The following GPC5 variants were observed in gnomAD, a reference collection of about 807,000 sequenced individuals.
The protein encoded by GPC5 is glypican 5.
Under a neutral mutation model 53.9 loss-of-function variants are expected in GPC5, and 47 were observed. The observed-to-expected ratio is 0.87, with a 90% confidence interval of 0.69 to 1.11. GPC5 has a LOEUF of 1.11. GPC5 is among the 50% of genes most tolerant of loss of function. The pLI is 0.00. For missense variants in GPC5, 748 were observed against 713.1 expected (o/e 1.05, Z -0.56); for synonymous variants, 286 against 263.3 (o/e 1.09, Z -0.84).
intron 6 of GPC5, among the ~76,000 whole-genome samples, chr13:92,003,378 A>G (rs2040574828): frequency 1.3e-5 from 2 of 151,666 alleles, no homozygotes; most frequent in African/African-American, 2.4e-5. Context: ...AAATTACTCT[A>G]TCTGATATTG....
rs149027458 is a variant in GPC5, at chr13:92,243,356, A to G, written c.1561+98367A>G. On this transcript the variant is annotated intron_variant, in intron 7 of 7. Coordinates refer to ENST00000377067, the MANE Select transcript of GPC5 (RefSeq NM_004466.6). ...AAATCTCCCCACTGCAGTATAAGTAATTTGTAGAAAATTTTCTGTTTTCAA... is the reference window on the plus strand; with the variant it reads ...AAATCTCCCCACTGCAGTATAAGTAGTTTGTAGAAAATTTTCTGTTTTCAA... 4.3e-4 allele frequency among the ~76,000 whole-genome samples: 66 copies of G among 152,236 alleles called. No homozygotes were observed. In the East Asian group the frequency reaches 8.9e-3, roughly 21 times the overall value.
At chr13:91,451,623 T>G in intron 2 of GPC5, among the ~76,000 whole-genome samples, 1 of 151,300 alleles carries the variant, frequency 6.6e-6, no homozygotes, top group South Asian at 2.1e-4. Context: ...TTTGTTTGTT[T>G]TTTTTTTTCC....
chr13:92,285,330 G>C (rs1436810233), intron 7 of GPC5, among the ~76,000 whole-genome samples: 2 of 152,152 alleles, frequency 1.3e-5, no homozygotes, highest in African/African-American at 2.4e-5. Flanking sequence ...GTAATTTATA[G>C]ATTCAATGCC....
At chr13:92,569,702 A>C (rs1319496917) in intron 7 of GPC5, among the ~76,000 whole-genome samples, 2 of 152,192 alleles carry the variant, frequency 1.3e-5, no homozygotes. Context: ...AGTCTAGTGC[A>C]CCAGGATTAT....
intron 7 of GPC5, among the ~76,000 whole-genome samples, chr13:92,626,334 C>G (rs186740981): frequency 6.6e-6 from 1 of 151,950 alleles, no homozygotes; most frequent in Non-Finnish European, 1.5e-5. Context: ...GAGACTCATG[C>G]GGTGGGGAGG....
chr13:92,564,573 G>A (rs2139033576), intron 7 of GPC5, among the ~76,000 whole-genome samples: 1 of 151,894 alleles, frequency 6.6e-6, no homozygotes, highest in East Asian at 1.9e-4. Flanking sequence ...TTTTTTACGT[G>A]GGTATATTGT....
At chr13:91,845,668 T>C (rs1412632017) in intron 5 of GPC5, among the ~76,000 whole-genome samples, 2 of 152,170 alleles carry the variant, frequency 1.3e-5, no homozygotes, top group South Asian at 2.1e-4. Context: ...CAAGAGTTTG[T>C]GGAGAAAAGA....
chr13:92,701,322 G>C (rs1887731856), intron 7 of GPC5: 1 of 151,982 alleles, frequency 6.6e-6, no homozygotes, highest in African/African-American at 2.4e-5. Flanking sequence ...TCTTTCACCA[G>C]ACCAACATTA....
chr13:91,530,085 T>C (rs1886267821), intron 2 of GPC5, among the ~76,000 whole-genome samples: 1 of 152,154 alleles, frequency 6.6e-6, no homozygotes, highest in African/African-American at 2.4e-5. Context: ...TACAAGAAAA[T>C]GTCTTGGGAA....
intron 3 of GPC5, among the ~76,000 whole-genome samples, chr13:91,695,120 G>C (rs2035852176): frequency 6.6e-6 from 1 of 152,084 alleles, no homozygotes; most frequent in African/African-American, 2.4e-5. Flanking sequence ...GGTAATGTGT[G>C]GGCTGAAATT....
chr13:91,715,588 A>C (rs1429147076), intron 3 of GPC5, among the ~76,000 whole-genome samples: 1 of 152,192 alleles, frequency 6.6e-6, no homozygotes, highest in African/African-American at 2.4e-5. Flanking sequence ...CTCTGTCAGC[A>C]TCCACCATTT....
intron 7 of GPC5, among the ~76,000 whole-genome samples, chr13:92,470,503 C>T (rs74462622): frequency 0.02 from 3,013 of 151,788 alleles, 98 homozygotes; most frequent in African/African-American, 0.068. Flanking sequence ...TTAGATAGCC[C>T]TAAAACATCC....
intron 5 of GPC5, among the ~76,000 whole-genome samples, chr13:91,904,279 ATCCCCCT>A (rs2039531193): frequency 6.7e-6 from 1 of 149,676 alleles, no homozygotes; most frequent in East Asian, 2.0e-4. Flanking sequence ...GGCTCCCATG[ATCCCCCT>A]GCCTCTGTTT....
chr13:91,996,270 AT>A (rs1768128438), intron 6 of GPC5: 1 of 152,252 alleles, frequency 6.6e-6, no homozygotes, highest in African/African-American at 2.4e-5. Flanking sequence ...TAGATCAGTT[AT>A]CTCCACTAGG....
chr13:92,100,004 T>C (rs2041452690), intron 6 of GPC5, among the ~76,000 whole-genome samples: 1 of 152,126 alleles, frequency 6.6e-6, no homozygotes, highest in African/African-American at 2.4e-5. Context: ...TGTCGTGAAA[T>C]GCCTATGGAG....
In GPC5 at chr13:92,866,298, G is replaced by A. The variant is rs866528463; in HGVS notation, c.1578G>A (p.Met526Ile). 6.2e-7 allele frequency: 1 copy of A among 1,610,578 alleles called. No homozygotes were observed. The highest frequency in any genetic ancestry group is 8.5e-7 in the Non-Finnish European group (1 of 1,177,876). Residue 526 changes from methionine (M) to isoleucine (I), a missense_variant, in exon 8 of 8, where the codon ATG becomes ATA. Physicochemically the swap from Met to Ile is conservative, Grantham distance 10. Transcript: ENST00000377067. ...CCTCTACAGGGATGCCAGATGATATGAACTTCAGTGATGTAAAGCAAATCC... is the reference window on the plus strand; with the variant it reads ...CCTCTACAGGGATGCCAGATGATATAAACTTCAGTGATGTAAAGCAAATCC... ...LKITDWMPDD[M>I]NFSDVKQIHQ...
At chr13:92,378,737 T>G (rs1359974276) in intron 7 of GPC5, among the ~76,000 whole-genome samples, 1 of 152,220 alleles carries the variant, frequency 6.6e-6, no homozygotes, top group East Asian at 1.9e-4. Context: ...CATAATTATC[T>G]ATGTGTATGT....
chr13:91,877,492 C>T (rs2039216903), intron 5 of GPC5, among the ~76,000 whole-genome samples: 1 of 152,086 alleles, frequency 6.6e-6, no homozygotes, highest in Non-Finnish European at 1.5e-5. Flanking sequence ...ATTTGACTGC[C>T]CTGCTGGATT....
At chr13:92,855,966 T>C (rs1399040424) in intron 7 of GPC5, among the ~76,000 whole-genome samples, 4 of 151,916 alleles carry the variant, frequency 2.6e-5, no homozygotes, top group Admixed American at 1.3e-4. Flanking sequence ...CTGAAACTAT[T>C]CCAAAAAAGT....
Sources: gnomAD v4.1 joint callset for allele counts (sites outside exome capture counted in the v4.1 genomes callset) on GRCh38, gnomAD v4.1.1 for gene constraint, MANE v1.5 for transcripts, NCBI Gene and HGNC (gene_info 2026-07-23, HGNC 2026-07-21) for gene names.